FTCDNL1: variants seen among roughly 807,000 people sequenced by gnomAD.
The protein encoded by FTCDNL1 is formiminotransferase N-terminal subdomain-containing protein.
Under a neutral mutation model 5.9 loss-of-function variants are expected in FTCDNL1, and 11 were observed. The observed-to-expected ratio is 1.87, with a 90% CI of 1.18 to 3.10. The LOEUF (loss-of-function observed/expected upper bound fraction) is 3.10, where lower values mean the gene tolerates loss of function less well. FTCDNL1 is among the 30% of genes most tolerant of loss of function. The pLI, the probability that FTCDNL1 is intolerant of heterozygous loss-of-function variation, is 0.00. For missense variants in FTCDNL1, 115 were observed against 65.5 expected, an observed-to-expected ratio of 1.76 and a Z score of -2.61; for synonymous variants, 58 against 24.8, an observed-to-expected ratio of 2.34 and a Z score of -3.99.
chr2:199,837,175 T>C (rs1352382657), intron 3 of FTCDNL1, among the ~76,000 whole-genome samples: 1 of 152,222 alleles, frequency 6.6e-6, no homozygotes, highest in African/African-American at 2.4e-5. Flanking sequence ...GCAATATGCA[T>C]TTATGAGCAA....
chr2:199,824,430 C>T (rs1323005547), intron 3 of FTCDNL1, among the ~76,000 whole-genome samples: 1 of 152,148 alleles, frequency 6.6e-6, no homozygotes, highest in Non-Finnish European at 1.5e-5. Context: ...AGCTGTGTTG[C>T]TTTCATATCA....
At chr2:199,837,897 C>T (rs1702865688) in intron 3 of FTCDNL1, among the ~76,000 whole-genome samples, 1 of 152,082 alleles carries the variant, frequency 6.6e-6, no homozygotes, top group Non-Finnish European at 1.5e-5. Context: ...AGCAAGTTTC[C>T]ATATCATTTA....
intron 3 of FTCDNL1, among the ~76,000 whole-genome samples, chr2:199,833,746 G>A (rs888980979): frequency 1.3e-5 from 2 of 152,106 alleles, no homozygotes; most frequent in African/African-American, 4.8e-5. Context: ...GCTGGCCACA[G>A]ACAACACACA....
At chr2:199,703,011 G>GGTTTGTTTGTTT in the FTCDNL1 span, among the ~76,000 whole-genome samples, 37 of 150,614 alleles carry the variant, frequency 2.5e-4, no homozygotes, top group South Asian at 4.3e-4. Context: ...AAGGACTCTG[G>GGTTTGTTTGTTT]GTTTGTTTGT....
At chr2:199,784,351 T>G (rs1189444967) in intron 3 of FTCDNL1, among the ~76,000 whole-genome samples, 1 of 152,134 alleles carries the variant, frequency 6.6e-6, no homozygotes, top group African/African-American at 2.4e-5. Context: ...AGGTAAAGAT[T>G]AGGAATTGCA....
At chr2:199,807,960 TC>T (rs956998290), downstream of FTCDNL1, among the ~76,000 whole-genome samples, 78 of 152,270 alleles carry the variant, frequency 5.1e-4, 1 homozygote, top group African/African-American at 1.8e-3. Flanking sequence ...GACTGAATTA[TC>T]GGGGGTGCAT....
intron 3 of FTCDNL1, among the ~76,000 whole-genome samples, chr2:199,842,473 A>T (rs992745312): frequency 4.6e-5 from 7 of 152,154 alleles, no homozygotes; most frequent in Non-Finnish European, 1.0e-4. Flanking sequence ...AAAAGTCCTC[A>T]AACTAAAATG....
chr2:199,668,049 C>T, the FTCDNL1 span, among the ~76,000 whole-genome samples: 1 of 152,158 alleles, frequency 6.6e-6, no homozygotes, highest in Non-Finnish European at 1.5e-5. Flanking sequence ...TGCTTGCTGA[C>T]AGCATTAATG....
intron 4 of FTCDNL1, among the ~76,000 whole-genome samples, chr2:199,816,371 T>A (rs1422620561): frequency 6.6e-6 from 1 of 152,158 alleles, no homozygotes; most frequent in East Asian, 1.9e-4. Context: ...TCCCTTCTTA[T>A]CATGAATATG....
the FTCDNL1 span, among the ~76,000 whole-genome samples, chr2:199,665,634 T>TAA: frequency 2.1e-4 from 27 of 126,904 alleles, no homozygotes; most frequent in South Asian, 1.8e-3. Flanking sequence ...AACTTCGTCT[T>TAA]AAAAAAAAAA....
the FTCDNL1 span, among the ~76,000 whole-genome samples, chr2:199,740,050 AAAC>A: frequency 1.3e-5 from 2 of 152,188 alleles, no homozygotes; most frequent in Non-Finnish European, 2.9e-5. Flanking sequence ...CGAGGGTGGA[AAAC>A]AACCACTGTT....
At chr2:199,829,679 T>TCCC (rs1055969614) in intron 3 of FTCDNL1, among the ~76,000 whole-genome samples, 1 of 152,234 alleles carries the variant, frequency 6.6e-6, no homozygotes, top group Non-Finnish European at 1.5e-5. Context: ...ATCATTCTTT[T>TCCC]CCCTTCTGCT....
chr2:199,819,794 A>C lies in FTCDNL1; in HGVS notation c.212-37T>G, dbSNP rs536980166. On this transcript the variant is annotated intron_variant, in intron 3 of 4. Coordinates refer to ENST00000420128, the MANE Select transcript of FTCDNL1 (RefSeq NM_001363886.2). ...GGAATTTTAACCAAAGAAAATCACA[A>C]TCAAGCCAAATTTTAAAAACCAAAG... 2.6e-4 allele frequency: 177 copies of C among 676,202 alleles called. 2 individuals are homozygous for C. The highest frequency in any genetic ancestry group is 3.7e-4 in the South Asian group (24 of 65,132). 41.9% of individuals were successfully genotyped at this position (676,202 alleles called of 1,614,324 possible). A position where few individuals can be genotyped will look rare whatever the true frequency, so the allele number is the denominator to read the frequency against.
chr2:199,785,267 A>T (rs1482345371), intron 3 of FTCDNL1, among the ~76,000 whole-genome samples: 4 of 812 alleles, frequency 4.9e-3, no homozygotes, highest in African/African-American at 0.014. Flanking sequence ...TTTTTTTTTG[A>T]GACAGAATCT....
chr2:199,677,430 A>G, the FTCDNL1 span, among the ~76,000 whole-genome samples: 1 of 152,214 alleles, frequency 6.6e-6, no homozygotes, highest in Non-Finnish European at 1.5e-5. Context: ...GCCATCTAGG[A>G]ATAACTAATA....
chr2:199,793,322 A>G (rs1700018269), intron 3 of FTCDNL1, among the ~76,000 whole-genome samples: 1 of 152,122 alleles, frequency 6.6e-6, no homozygotes, highest in Non-Finnish European at 1.5e-5. Context: ...CTCAACAGAA[A>G]CCCTCTGAGA....
chr2:199,667,401 C>A, the FTCDNL1 span, among the ~76,000 whole-genome samples: 1 of 152,016 alleles, frequency 6.6e-6, no homozygotes, highest in Non-Finnish European at 1.5e-5. Flanking sequence ...CTTTGGGAGG[C>A]CAAGATGGGA....
the FTCDNL1 span, among the ~76,000 whole-genome samples, chr2:199,746,941 A>G: frequency 6.6e-6 from 1 of 152,020 alleles, no homozygotes; most frequent in Non-Finnish European, 1.5e-5. Context: ...TTGTGAGTTC[A>G]GATTCAGAGT....
At chr2:199,834,310 G>A (rs1702568242) in intron 3 of FTCDNL1, among the ~76,000 whole-genome samples, 1 of 152,134 alleles carries the variant, frequency 6.6e-6, no homozygotes, top group Admixed American at 6.5e-5. Flanking sequence ...CCAGGATTGT[G>A]AGACAATAAA....
Sources: gnomAD v4.1 joint callset for allele counts (sites outside exome capture counted in the v4.1 genomes callset) on GRCh38, gnomAD v4.1.1 for gene constraint, MANE v1.5 for transcripts, NCBI Gene and HGNC (gene_info 2026-07-23, HGNC 2026-07-21) for gene names.